Variants in DPP10 observed in about 807,000 individuals in gnomAD.
The protein encoded by DPP10 is inactive dipeptidyl peptidase 10.
In DPP10, 33 loss-of-function variants were observed where a neutral mutation model predicts 120.9. The ratio of observed to expected loss-of-function variants is 0.27; its 90% CI spans 0.21 to 0.37. DPP10 has a LOEUF of 0.37. DPP10 is among the 10% of genes least tolerant of loss of function. DPP10 has a pLI of 1.00. For missense variants in DPP10, 816 were observed against 942.8 expected, an observed-to-expected ratio of 0.87 and a Z score of 1.76; for synonymous variants, 337 against 326.1, an observed-to-expected ratio of 1.03 and a Z score of -0.36.
At chr2:114,531,280 C>T (rs1245955195) in intron 1 of DPP10, among the ~76,000 whole-genome samples, 1 of 152,020 alleles carries the variant, frequency 6.6e-6, no homozygotes, top group African/African-American at 2.4e-5. Context: ...TTGAGTCACT[C>T]ATAGAAGTCT....
intron 1 of DPP10, among the ~76,000 whole-genome samples, chr2:114,850,988 T>G (rs1688905245): frequency 6.6e-6 from 1 of 152,168 alleles, no homozygotes; most frequent in Non-Finnish European, 1.5e-5. Context: ...CCATTTATAA[T>G]AGTTAGAACA....
At chr2:115,546,406 T>C (rs1482778355) in intron 5 of DPP10, among the ~76,000 whole-genome samples, 2 of 152,164 alleles carry the variant, frequency 1.3e-5, no homozygotes, top group Non-Finnish European at 1.5e-5. Flanking sequence ...TCTGGAGAAA[T>C]CAAAACCTAT....
At chr2:115,029,541 C>A (rs1467509933) in intron 1 of DPP10, among the ~76,000 whole-genome samples, 3 of 150,872 alleles carry the variant, frequency 2.0e-5, no homozygotes, top group African/African-American at 7.3e-5. Context: ...CTTTTGTTAT[C>A]TAGGAAAAAC....
intron 1 of DPP10, among the ~76,000 whole-genome samples, chr2:114,942,311 A>G (rs1386242095): frequency 8.0e-6 from 1 of 125,712 alleles, no homozygotes; most frequent in Non-Finnish European, 1.6e-5. Context: ...ATATATATAT[A>G]TATATATATA....
chr2:115,702,677 T>TG (rs2091941084), intron 7 of DPP10, among the ~76,000 whole-genome samples: 1 of 152,016 alleles, frequency 6.6e-6, no homozygotes, highest in Non-Finnish European at 1.5e-5. Flanking sequence ...AGGAGATTAG[T>TG]GGTTACTTAC....
chr2:115,302,833 A>T (rs553928382), intron 1 of DPP10, among the ~76,000 whole-genome samples: 1 of 152,110 alleles, frequency 6.6e-6, no homozygotes, highest in Non-Finnish European at 1.5e-5. Flanking sequence ...TAAAAAAATT[A>T]CTTTACTCAG....
chr2:115,689,678 T>C lies in DPP10; in HGVS notation c.442-9T>C, dbSNP rs1314293879. On this transcript the variant is annotated splice_polypyrimidine_tract_variant and intron_variant, in intron 5 of 25. Coordinates refer to ENST00000410059, the MANE Select transcript of DPP10 (RefSeq NM_020868.6). ...GCTATGATCAATAATGTTTCTTTTTTAATTTCAGATTTTTCATTATTCGTA... is the reference window on the plus strand; with the variant it reads ...GCTATGATCAATAATGTTTCTTTTTCAATTTCAGATTTTTCATTATTCGTA... The C allele has an allele frequency of 6.7e-7, 1 of 1,495,134 alleles. No individual in the cohort carries two copies. Among genetic ancestry groups the C allele is most frequent in the Non-Finnish European group, 9.1e-7 (1 of 1,094,630 alleles). The allele number at this position is 1,495,134 out of a possible 1,614,324, so 92.6% of individuals were successfully genotyped here.
intron 1 of DPP10, among the ~76,000 whole-genome samples, chr2:115,303,481 C>T (rs1338409612): frequency 6.6e-6 from 1 of 151,780 alleles, no homozygotes; most frequent in Non-Finnish European, 1.5e-5. Flanking sequence ...AAAAAAACTC[C>T]TCTGATTCCT....
intron 19 of DPP10, among the ~76,000 whole-genome samples, chr2:115,801,899 T>A (rs1042622131): frequency 1.1e-4 from 16 of 152,198 alleles, no homozygotes; most frequent in Non-Finnish European, 2.2e-4. Context: ...ATTCTCTTTT[T>A]TTGTAGTGTC....
intron 5 of DPP10, among the ~76,000 whole-genome samples, chr2:115,577,463 G>A (rs921908095): frequency 1.3e-5 from 2 of 152,172 alleles, no homozygotes; most frequent in Non-Finnish European, 2.9e-5. Flanking sequence ...AGCACTTATG[G>A]ATTTTTGTAT....
intron 1 of DPP10, among the ~76,000 whole-genome samples, chr2:115,088,768 A>AAAAAAAAAAAAAAAAAAAC (rs775985067): frequency 1.3e-4 from 17 of 134,940 alleles, no homozygotes; most frequent in East Asian, 2.2e-4. Context: ...AAAAAAAAAA[A>AAAAAAAAAAAAAAAAAAAC]ACCAAAAAAC....
At chr2:115,786,242 T>C (rs1262007403) in intron 17 of DPP10, among the ~76,000 whole-genome samples, 1 of 152,136 alleles carries the variant, frequency 6.6e-6, no homozygotes, top group Non-Finnish European at 1.5e-5. Flanking sequence ...AAAACGAATG[T>C]GTGTATACAA....
intron 5 of DPP10, among the ~76,000 whole-genome samples, chr2:115,543,381 G>A (rs1198378604): frequency 6.6e-6 from 1 of 152,038 alleles, no homozygotes; most frequent in Non-Finnish European, 1.5e-5. Context: ...CAAAGTTGAC[G>A]ATGTTAATCA....
intron 1 of DPP10, among the ~76,000 whole-genome samples, chr2:114,908,665 C>T (rs1274535720): frequency 1.3e-5 from 2 of 151,730 alleles, no homozygotes; most frequent in African/African-American, 4.8e-5. Flanking sequence ...GATGGACAAA[C>T]ATTTCAATAA....
At chr2:114,913,812 T>C (rs1574475056) in intron 1 of DPP10, among the ~76,000 whole-genome samples, 2 of 152,166 alleles carry the variant, frequency 1.3e-5, no homozygotes, top group East Asian at 3.9e-4. Flanking sequence ...CCAAGGAATC[T>C]AGGGAATCCA....
At chr2:115,707,687 G>A (rs2092173683) in intron 7 of DPP10, among the ~76,000 whole-genome samples, 1 of 151,296 alleles carries the variant, frequency 6.6e-6, no homozygotes, top group South Asian at 2.1e-4. Context: ...ATAAACTATG[G>A]TACATAAAAT....
chr2:115,244,401 T>G (rs1383621399), intron 1 of DPP10, among the ~76,000 whole-genome samples: 1 of 151,748 alleles, frequency 6.6e-6, no homozygotes, highest in Non-Finnish European at 1.5e-5. Context: ...GAAAGGAATA[T>G]AAAAATGTTT....
At chr2:115,815,601 T>C in intron 20 of DPP10, 74 bp from the exon 21 acceptor site, 1 of 1,315,340 alleles carries the variant, frequency 7.6e-7, no homozygotes, top group Non-Finnish European at 1.1e-6. Flanking sequence ...TTTGTATGTA[T>C]GCATGCCAAC....
intron 1 of DPP10, among the ~76,000 whole-genome samples, chr2:114,580,739 G>A (rs1262588067): frequency 8.0e-6 from 1 of 125,682 alleles, no homozygotes; most frequent in Non-Finnish European, 1.7e-5. Context: ...TTTTTTTTTC[G>A]GAGACCTCCA....
Sources: gnomAD v4.1 joint callset for allele counts (sites outside exome capture counted in the v4.1 genomes callset) on GRCh38, gnomAD v4.1.1 for gene constraint, MANE v1.5 for transcripts, NCBI Gene and HGNC (gene_info 2026-07-23, HGNC 2026-07-21) for gene names.